DAB1: variants seen among roughly 807,000 people sequenced by gnomAD.
DAB1 encodes disabled homolog 1.
Under a neutral mutation model 64.6 loss-of-function variants are expected in DAB1, and 15 were observed. That is an observed-to-expected ratio of 0.23 (90% CI 0.16 to 0.36). The LOEUF (loss-of-function observed/expected upper bound fraction) is 0.36. DAB1 is among the 10% of genes least tolerant of loss of function. The pLI is 1.00. For missense variants in DAB1, 596 were observed against 706.7 expected, an observed-to-expected ratio of 0.84 and a Z score of 1.78; for synonymous variants, 235 against 251.9, an observed-to-expected ratio of 0.93 and a Z score of 0.64.
intron 3 of DAB1, among the ~76,000 whole-genome samples, chr1:58,418,598 G>A (rs1387525214): frequency 6.6e-6 from 1 of 152,140 alleles, no homozygotes; most frequent in Non-Finnish European, 1.5e-5. Context: ...ATTGATAAGT[G>A]AGCAAATAAC....
chr1:57,290,869 A>T, intron 2 of DAB1, 95 bp downstream of exon 2: 1 of 670,018 alleles, frequency 1.5e-6, no homozygotes, highest in East Asian at 2.8e-5. Context: ...AATATATGCA[A>T]TCATAAAGAT....
chr1:58,056,049 C>T (rs375527701), intron 5 of DAB1: 2 of 761,300 alleles, frequency 2.6e-6, no homozygotes, highest in Non-Finnish European at 4.4e-6. Flanking sequence ...CATGTGCATT[C>T]TTTTTTTTTT....
chr1:57,734,772 T>C (rs1484233560), intron 6 of DAB1, among the ~76,000 whole-genome samples: 1 of 152,224 alleles, frequency 6.6e-6, no homozygotes, highest in Non-Finnish European at 1.5e-5. Flanking sequence ...TGAAAAGTAG[T>C]CAAATTATTG....
intron 4 of DAB1, among the ~76,000 whole-genome samples, chr1:58,291,792 C>G (rs1373652622): frequency 2.0e-5 from 3 of 152,178 alleles, no homozygotes; most frequent in Non-Finnish European, 1.5e-5. Flanking sequence ...CTAGAAAATG[C>G]AAGACTCGAA....
chr1:58,054,669 T>C lies in DAB1; in HGVS notation n.387+95842A>G, dbSNP rs147703815. On this transcript the variant is annotated intron_variant and non_coding_transcript_variant, in intron 5 of 20. Coordinates refer to the DAB1 transcript ENST00000485760. ...CCATGGGGATAAGTTTAATAAGAACTACAGATGATAGTAAAAAGCACATTT... is the reference window on the plus strand; with the variant it reads ...CCATGGGGATAAGTTTAATAAGAACCACAGATGATAGTAAAAAGCACATTT... Among the ~76,000 whole-genome samples, 223 of 152,338 alleles carry C rather than the reference T, an allele frequency of 1.5e-3. 1 individual carries two copies. The highest frequency in any genetic ancestry group is 5.0e-3 in the African/African-American group (207 of 41,576).
At chr1:57,002,233 G>A (rs1178736827) in intron 14 of DAB1, among the ~76,000 whole-genome samples, 3 of 152,172 alleles carry the variant, frequency 2.0e-5, no homozygotes, top group Non-Finnish European at 4.4e-5. Flanking sequence ...TGCAGTAAAA[G>A]AGCTAAAGCA....
chr1:57,960,613 C>T (rs996158642), intron 5 of DAB1, among the ~76,000 whole-genome samples: 1 of 152,024 alleles, frequency 6.6e-6, no homozygotes, highest in African/African-American at 2.4e-5. Flanking sequence ...TGAAATAGGA[C>T]AGTATCTGGT....
chr1:58,414,783 AAAAAT>A (rs1327890299), intron 3 of DAB1, among the ~76,000 whole-genome samples: 3 of 152,220 alleles, frequency 2.0e-5, no homozygotes, highest in Non-Finnish European at 4.4e-5. Flanking sequence ...AAAATTAAAA[AAAAAT>A]AAAAAGAAAG....
At chr1:57,587,807 C>T (rs1315138993) in intron 7 of DAB1, among the ~76,000 whole-genome samples, 1 of 152,170 alleles carries the variant, frequency 6.6e-6, no homozygotes, top group African/African-American at 2.4e-5. Flanking sequence ...TGACATTGAA[C>T]CCAGGTAAAA....
chr1:57,721,269 G>A (rs540832366), intron 6 of DAB1, among the ~76,000 whole-genome samples: 1 of 152,096 alleles, frequency 6.6e-6, no homozygotes, highest in Non-Finnish European at 1.5e-5. Flanking sequence ...CCAGTGATAC[G>A]GTTGCCTGCA....
intron 7 of DAB1, among the ~76,000 whole-genome samples, chr1:57,546,567 G>C (rs1644859030): frequency 6.6e-6 from 1 of 152,144 alleles, no homozygotes; most frequent in South Asian, 2.1e-4. Context: ...TTACAGAACA[G>C]TTTGAGAATT....
At chr1:57,907,416 T>TC (rs1263174618) in intron 5 of DAB1, among the ~76,000 whole-genome samples, 2 of 152,198 alleles carry the variant, frequency 1.3e-5, no homozygotes, top group African/African-American at 2.4e-5. Flanking sequence ...TGCTCCAAGG[T>TC]CTGTATGAAA....
chr1:57,980,233 T>C (rs146222966), intron 5 of DAB1, among the ~76,000 whole-genome samples: 69 of 151,962 alleles, frequency 4.5e-4, no homozygotes, highest in African/African-American at 1.7e-3. Flanking sequence ...CAGTAATTAC[T>C]GTCCCTATTG....
Position 57,695,361 on chromosome 1 carries a change from GAA to G in DAB1, n.552-45698_552-45697del, listed in dbSNP as rs1646820645. ...GAAAGAAAGAAAGAAAGAAAAGAAA[GAA>G]GAAAGAAAGAAAGAAAGAAAGAAAG... On this transcript the variant is annotated intron_variant and non_coding_transcript_variant, in intron 6 of 20. Coordinates refer to the DAB1 transcript ENST00000485760. Among the ~76,000 whole-genome samples, 293 of 68,672 alleles carry G rather than the reference GAA, an allele frequency of 4.3e-3. 8 individuals are homozygous for G. Among genetic ancestry groups the G allele is most frequent in the African/African-American group, 0.014 (275 of 19,026 alleles). 45.1% of individuals were successfully genotyped at this position (68,672 alleles called of 152,430 possible).
At chr1:57,091,180 A>G (rs1217497010) in intron 4 of DAB1, among the ~76,000 whole-genome samples, 1 of 152,074 alleles carries the variant, frequency 6.6e-6, no homozygotes, top group Non-Finnish European at 1.5e-5. Flanking sequence ...GTGAGTGGAA[A>G]AACTGTTTTC....
At chr1:57,592,918 T>C (rs983626617) in intron 7 of DAB1, among the ~76,000 whole-genome samples, 1 of 152,140 alleles carries the variant, frequency 6.6e-6, no homozygotes, top group African/African-American at 2.4e-5. Flanking sequence ...TTAACCTTAC[T>C]TGCCTCCTAC....
At chr1:58,330,666 C>A (rs1662949396) in intron 4 of DAB1, among the ~76,000 whole-genome samples, 1 of 152,148 alleles carries the variant, frequency 6.6e-6, no homozygotes, top group Non-Finnish European at 1.5e-5. Context: ...CCCAAAAGTC[C>A]TAGGGCCTTT....
intron 7 of DAB1, among the ~76,000 whole-genome samples, chr1:57,545,546 T>C (rs564666409): frequency 6.6e-6 from 1 of 152,180 alleles, no homozygotes; most frequent in African/African-American, 2.4e-5. Flanking sequence ...CCCCTTCAAA[T>C]GTTGGGCTCA....
intron 4 of DAB1, among the ~76,000 whole-genome samples, chr1:57,133,715 G>A (rs1048416239): frequency 2.0e-5 from 3 of 152,082 alleles, no homozygotes; most frequent in African/African-American, 7.2e-5. Flanking sequence ...CTATTGTCAC[G>A]TTCTGCAAAT....
Sources: gnomAD v4.1 joint callset for allele counts (sites outside exome capture counted in the v4.1 genomes callset) on GRCh38, gnomAD v4.1.1 for gene constraint, MANE v1.5 for transcripts, NCBI Gene and HGNC (gene_info 2026-07-23, HGNC 2026-07-21) for gene names.